Variants in ZNF329 observed in about 807,000 individuals in gnomAD.
The protein encoded by ZNF329 is zinc finger protein 329.
ZNF329 carries 15 observed loss-of-function variants against 26.6 expected under a neutral mutation model. That is an observed-to-expected ratio of 0.56 (90% CI 0.38 to 0.87). ZNF329 has a LOEUF of 0.87. Among genes scored for constraint, ZNF329 ranks in the 40% least tolerant of loss-of-function variants. The pLI is 0.00. For missense variants in ZNF329, 651 were observed against 651.9 expected (o/e 1.00, Z 0.02); for synonymous variants, 239 against 233.5 (o/e 1.02, Z -0.21).
At chr19:58,138,802 GC>G (rs1412963147) in intron 3 of ZNF329, among the ~76,000 whole-genome samples, 1 of 152,002 alleles carries the variant, frequency 6.6e-6, no homozygotes, top group Non-Finnish European at 1.5e-5. Flanking sequence ...TTTGAGAACA[GC>G]CTGGCAGACA....
At chr19:58,153,014 A>G (rs1041697477), upstream of ZNF329, among the ~76,000 whole-genome samples, 2 of 152,226 alleles carry the variant, frequency 1.3e-5, no homozygotes, top group African/African-American at 4.8e-5. Context: ...AGTTAACAAT[A>G]AAGCATAACA....
chr19:58,143,436 C>G (rs1217102725), intron 1 of ZNF329, among the ~76,000 whole-genome samples: 1 of 152,102 alleles, frequency 6.6e-6, no homozygotes, highest in African/African-American at 2.4e-5. Context: ...AAAATTCACA[C>G]TGAAGAAGAC....
intron 3 of ZNF329, among the ~76,000 whole-genome samples, chr19:58,129,796 G>C (rs1445764576): frequency 6.6e-6 from 1 of 152,204 alleles, no homozygotes; most frequent in Non-Finnish European, 1.5e-5. Flanking sequence ...TGAGAGACCA[G>C]AGGCCAAGCA....
intron 1 of ZNF329, 107 bp downstream of exon 1, chr19:58,150,645 A>T (rs1335503354): frequency 6.5e-6 from 1 of 152,876 alleles, no homozygotes; most frequent in Non-Finnish European, 1.5e-5. Context: ...CCACCCGCGG[A>T]CGCGCCCCTC....
At chr19:58,152,301 G>T (rs1304340842), upstream of ZNF329, among the ~76,000 whole-genome samples, 5 of 151,842 alleles carry the variant, frequency 3.3e-5, no homozygotes, top group Admixed American at 2.6e-4. Flanking sequence ...AAGCCGGGCT[G>T]GGGGGATCAC....
intron 3 of ZNF329, among the ~76,000 whole-genome samples, chr19:58,137,632 G>A (rs1203714841): frequency 6.6e-6 from 1 of 151,618 alleles, no homozygotes; most frequent in Non-Finnish European, 1.5e-5. Context: ...AACCAAGTCT[G>A]TCATTTGAAA....
chr19:58,153,336 CTGACCTCAGG>C (rs1379312195), upstream of ZNF329, among the ~76,000 whole-genome samples: 2 of 152,198 alleles, frequency 1.3e-5, no homozygotes, highest in African/African-American at 4.8e-5. Context: ...TCTCAAACTC[CTGACCTCAGG>C]TGATCCACCC....
At chr19:58,147,107 A>T (rs1246930937) in intron 1 of ZNF329, among the ~76,000 whole-genome samples, 2 of 149,208 alleles carry the variant, frequency 1.3e-5, no homozygotes, top group African/African-American at 5.0e-5. Flanking sequence ...GGAAGTGAGG[A>T]GCGTCTCTGC....
At chr19:58,137,153 TAAAAG>T (rs1323671474) in intron 3 of ZNF329, 14 of 152,140 alleles carry the variant, frequency 9.2e-5, no homozygotes, top group African/African-American at 3.1e-4. Context: ...TATAATTGAC[TAAAAG>T]AAAAGAAGAC....
At chr19:58,130,461 A>C (rs1449534512) in intron 3 of ZNF329, among the ~76,000 whole-genome samples, 1 of 151,920 alleles carries the variant, frequency 6.6e-6, no homozygotes, top group African/African-American at 2.4e-5. Flanking sequence ...TCACAAGGTC[A>C]GGAGATTGAG....
rs751290476 is a variant in ZNF329 at position 58,129,284 on chromosome 19, T to A, written c.220A>T (p.Ile74Phe). 1 of 1,614,168 alleles carries A rather than the reference T, an allele frequency of 6.2e-7. No individual in the cohort carries two copies. Among genetic ancestry groups the A allele is most frequent in the South Asian group, 1.1e-5 (1 of 91,082 alleles). ...GACGGTGGAAGGTCTGAGCTTGCAA[T>A]CAAATGCTCCCCAAAACCAGGATAT... ...CEYPGFGEHL[I>F]ASSDLPPSQR... Residue 74 changes from isoleucine to phenylalanine, a missense_variant, in exon 4 of 4, where the codon ATT (isoleucine) becomes TTT (phenylalanine). By Grantham distance (21) the Ile-to-Phe change is conservative. Coordinates refer to ENST00000598312, the MANE Select transcript of ZNF329 (RefSeq NM_024620.4).
Position 58,129,208 on chromosome 19 carries a change from C to G in ZNF329, c.296G>C (p.Ser99Thr). 6.2e-7 allele frequency: 1 copy of G among 1,614,228 alleles called. No individual in the cohort carries two copies. Among genetic ancestry groups the G allele is most frequent in the African/African-American group, 1.3e-5 (1 of 75,052 alleles). Residue 99 changes from serine to threonine, a missense_variant, in exon 4 of 4, where the codon AGT (serine) becomes ACT (threonine). By Grantham distance (58) the Ser-to-Thr change is moderately conservative (BLOSUM62 1). Coordinates refer to ENST00000598312, the MANE Select transcript of ZNF329 (RefSeq NM_024620.4). The stretch of plus-strand genomic sequence containing the variant: ...TAAGGCGGGGTCACAATCCAGACCA[C>G]TAACATTTGAGTCAGGTGCATGGAA... Reference protein sequence around the residue: ...NGFHAPDSNVSGLDCDPALPS... With the variant: ...NGFHAPDSNVTGLDCDPALPS...
At chr19:58,132,204 G>A (rs1282112013) in intron 3 of ZNF329, 1 of 152,190 alleles carries the variant, frequency 6.6e-6, no homozygotes, top group Non-Finnish European at 1.5e-5. Flanking sequence ...CACAAGGGAA[G>A]AGGGCTTGGA....
At chr19:58,143,340 G>T (rs542952492) in intron 1 of ZNF329, 142 bp from the exon 2 acceptor site, 1 of 152,320 alleles carries the variant, frequency 6.6e-6, no homozygotes, top group South Asian at 2.1e-4. Context: ...AAAGGGCTGG[G>T]TACTGAAACC....
At chr19:58,146,339 T>C (rs1370908275) in intron 1 of ZNF329, among the ~76,000 whole-genome samples, 2 of 152,064 alleles carry the variant, frequency 1.3e-5, no homozygotes, top group African/African-American at 4.8e-5. Flanking sequence ...CTGGGCATAG[T>C]GGCACACACC....
chr19:58,141,147 C>T (rs2075176984), intron 3 of ZNF329, among the ~76,000 whole-genome samples: 1 of 151,742 alleles, frequency 6.6e-6, no homozygotes, highest in Non-Finnish European at 1.5e-5. Flanking sequence ...TGAGCCACCA[C>T]ACCCAGCCTA....
At chr19:58,131,107 G>C (rs1568660491) in intron 3 of ZNF329, among the ~76,000 whole-genome samples, 2 of 147,602 alleles carry the variant, frequency 1.4e-5, no homozygotes, top group Admixed American at 6.7e-5. Flanking sequence ...ATATATACAT[G>C]TATATGTGTA....
intron 3 of ZNF329, chr19:58,136,819 G>A (rs1366246773): frequency 6.5e-6 from 1 of 154,608 alleles, no homozygotes; most frequent in East Asian, 1.9e-4. Flanking sequence ...ATCGCTGATG[G>A]GTTCTATGTA....
At position 58,128,182 on chromosome 19, in the gene ZNF329, C is replaced by A; in HGVS notation, c.1322G>T (p.Gly441Val). 1 of 1,586,328 alleles carries A rather than the reference C, an allele frequency of 6.3e-7. No individual in the cohort carries two copies. The highest frequency in any genetic ancestry group is 8.6e-7 in the Non-Finnish European group (1 of 1,167,294). The change falls in exon 4 of 4, where the codon GGC becomes GTC. Residue 441 changes from glycine to valine, a missense_variant. Gly to Val is a moderately radical substitution (Grantham distance 109, BLOSUM62 -3). Coordinates refer to ENST00000598312, the MANE Select transcript of ZNF329 (RefSeq NM_024620.4). Reference protein sequence around the residue: ...QCQKLFRNIAGLIRHQRTHTG... With the variant: ...QCQKLFRNIAVLIRHQRTHTG... ...ATGAGTCCTCTGGTGCCTAATGAGG[C>A]CAGCGATATTCCTGAAAAGTTTCTG...
Sources: allele counts gnomAD v4.1 joint callset (sites outside exome capture counted in the v4.1 genomes callset), GRCh38; gene constraint gnomAD v4.1.1; transcripts MANE v1.5; gene names NCBI Gene and HGNC (gene_info 2026-07-23, HGNC 2026-07-21).